Variants in NFILZ observed in about 807,000 individuals in gnomAD.
The protein encoded by NFILZ is NFIL3 like protein.
At chr19:8,637,933 A>AAAAAAAAAG in intron 3 of NFILZ, among the ~76,000 whole-genome samples, 2 of 149,434 alleles carry the variant, frequency 1.3e-5, no homozygotes, top group South Asian at 2.1e-4. Context: ...AAAAAAAAAA[A>AAAAAAAAAG]AGAAAAGAAC....
intron 3 of NFILZ, among the ~76,000 whole-genome samples, chr19:8,639,305 G>T (rs998668015): frequency 6.6e-6 from 1 of 152,128 alleles, no homozygotes; most frequent in Non-Finnish European, 1.5e-5. Context: ...GGCCAGGCAT[G>T]GCGGCTCACA....
rs1209490294 is a variant in NFILZ, at chr19:8,679,629, C to A, written c.*1994C>A. ...CCCTGTGACTGGGCATCCCTAGAAT[C>A]CTGCACATCACAGGTAGGACCTCCT... On this transcript the variant is annotated 3_prime_UTR_variant, in exon 6 of 6. Transcript: ENST00000691075. Among the ~76,000 whole-genome samples the A allele has an allele frequency of 2.0e-5, 3 of 152,086 alleles. No individual in the cohort carries two copies. The highest frequency in any genetic ancestry group is 7.2e-5 in the African/African-American group (3 of 41,414).
intron 3 of NFILZ, among the ~76,000 whole-genome samples, chr19:8,656,236 C>T (rs898403707): frequency 1.1e-5 from 1 of 91,204 alleles, no homozygotes; most frequent in Non-Finnish European, 2.5e-5. Flanking sequence ...CCCAGAAACC[C>T]TCCTGCCTTC....
At chr19:8,652,987 C>CTTTCTTT (rs2042972780) in intron 3 of NFILZ, among the ~76,000 whole-genome samples, 17 of 21,416 alleles carry the variant, frequency 7.9e-4, no homozygotes, top group East Asian at 3.3e-3. Context: ...TTCCTTCCTT[C>CTTTCTTT]CTTCCTTCCT....
intron 3 of NFILZ, among the ~76,000 whole-genome samples, chr19:8,640,029 C>T (rs560160666): frequency 6.6e-6 from 1 of 152,262 alleles, no homozygotes; most frequent in African/African-American, 2.4e-5. Context: ...AGAGATTTGG[C>T]GTCTGCCTCT....
In NFILZ at chr19:8,656,429, CAGCCCACCTTCTCCTCGA is replaced by C. The variant is rs1381712678; in HGVS notation, c.-163-18108_-163-18091del. 8.5e-3 allele frequency among the ~76,000 whole-genome samples: 200 copies of C among 23,562 alleles called. 11 individuals carry two copies. The highest frequency in any genetic ancestry group is 0.017 in the African/African-American group (165 of 9,712). The allele number at this position is 23,562 out of a possible 152,430, so 15.5% of individuals were successfully genotyped here. ...TCTCTCTGAAACCCACCTCTTTCCG[CAGCCCACCTTCTCCTCGA>C]AGCCCACCTTCTCTCTGAAGCCCAC... On this transcript the variant is annotated intron_variant, in intron 3 of 5. Transcript: ENST00000691075.
chr19:8,651,083 T>C (rs1447394863), intron 3 of NFILZ, among the ~76,000 whole-genome samples: 2 of 152,224 alleles, frequency 1.3e-5, no homozygotes, highest in African/African-American at 4.8e-5. Context: ...ATCAGGGTAA[T>C]TGTGACGTCC....
intron 1 of NFILZ, among the ~76,000 whole-genome samples, chr19:8,632,027 C>G (rs1420177711): frequency 2.6e-5 from 4 of 152,078 alleles, no homozygotes; most frequent in African/African-American, 9.7e-5. Flanking sequence ...TGCCGCCACA[C>G]TCGGCTAATT....
At chr19:8,656,306 C>A (rs4997475) in intron 3 of NFILZ, among the ~76,000 whole-genome samples, 4,582 of 33,616 alleles carry the variant, frequency 0.14, 859 homozygotes, top group South Asian at 0.33. Context: ...CCTCCTCCCG[C>A]AGCGCACCTC....
intron 2 of NFILZ, among the ~76,000 whole-genome samples, chr19:8,633,497 G>C (rs1555745773): frequency 6.6e-6 from 1 of 152,198 alleles, no homozygotes; most frequent in East Asian, 1.9e-4. Context: ...AGGCTGCACA[G>C]GGAAGGTGTC....
intron 3 of NFILZ, among the ~76,000 whole-genome samples, chr19:8,652,383 T>A (rs911779380): frequency 7.9e-5 from 12 of 152,284 alleles, no homozygotes; most frequent in Middle Eastern, 3.4e-3. Context: ...GATTACAGGC[T>A]TGAGCCACCG....
At chr19:8,670,105 C>CTT (rs558726484) in intron 3 of NFILZ, among the ~76,000 whole-genome samples, 9 of 142,716 alleles carry the variant, frequency 6.3e-5, no homozygotes, top group Admixed American at 2.8e-4. Flanking sequence ...TGACAGGTGA[C>CTT]TTTTTTTTTT....
chr19:8,663,920 C>T (rs1356221997), intron 3 of NFILZ, among the ~76,000 whole-genome samples: 1 of 151,898 alleles, frequency 6.6e-6, no homozygotes, highest in African/African-American at 2.4e-5. Flanking sequence ...TGGATGGACA[C>T]GAGGTGCCTC....
intron 3 of NFILZ, among the ~76,000 whole-genome samples, chr19:8,656,511 T>TCTCTGAAGCCCACCTTCTC (rs2043004079): frequency 1.3e-4 from 15 of 118,242 alleles, no homozygotes; most frequent in African/African-American, 5.0e-4. Flanking sequence ...GCCCACCTTC[T>TCTCTGAAGCCCACCTTCTC]CCTGCAGCCC....
chr19:8,649,562 C>A (rs77515779), intron 3 of NFILZ, among the ~76,000 whole-genome samples: 1 of 151,938 alleles, frequency 6.6e-6, no homozygotes, highest in South Asian at 2.1e-4. Context: ...CTACCGTGCC[C>A]GGCATAATTA....
chr19:8,671,371 C>T (rs1265524095), intron 3 of NFILZ, among the ~76,000 whole-genome samples: 1 of 151,870 alleles, frequency 6.6e-6, no homozygotes, highest in Non-Finnish European at 1.5e-5. Context: ...TATCTGCTGC[C>T]CCATCTCCCT....
At chr19:8,643,019 A>G (rs1266730136) in intron 3 of NFILZ, among the ~76,000 whole-genome samples, 6 of 148,532 alleles carry the variant, frequency 4.0e-5, no homozygotes, top group African/African-American at 7.5e-5. Context: ...GTGTGATCAT[A>G]GTTTACTGCA....
At chr19:8,670,651 C>G (rs2043082353) in intron 3 of NFILZ, among the ~76,000 whole-genome samples, 1 of 152,132 alleles carries the variant, frequency 6.6e-6, no homozygotes, top group African/African-American at 2.4e-5. Flanking sequence ...GGTTGGGTGA[C>G]TATAGAATCC....
chr19:8,643,060 C>G (rs186272000), intron 3 of NFILZ, among the ~76,000 whole-genome samples: 156 of 152,048 alleles, frequency 1.0e-3, no homozygotes, highest in African/African-American at 3.6e-3. Flanking sequence ...AGCTCTCCCC[C>G]CACCTCAGCC....
Sources: gnomAD v4.1 joint callset for allele counts (sites outside exome capture counted in the v4.1 genomes callset) on GRCh38, gnomAD v4.1.1 for gene constraint, MANE v1.5 for transcripts, NCBI Gene and HGNC (gene_info 2026-07-23, HGNC 2026-07-21) for gene names.